GON4L: variants seen among roughly 807,000 people sequenced by gnomAD.
GON4L encodes gon-4 like.
GON4L carries 87 observed loss-of-function variants against 211.8 expected under a neutral mutation model. The ratio of observed to expected loss-of-function variants is 0.41; its 90% CI spans 0.35 to 0.49. The LOEUF (loss-of-function observed/expected upper bound fraction) is 0.49. Among genes scored for constraint, GON4L ranks in the 20% least tolerant of loss-of-function variants. The probability of loss-of-function intolerance (pLI) is 0.15; values close to 1 mark genes in which losing one functional copy is unlikely to be tolerated. For synonymous variants in GON4L, 875 were observed against 962.6 expected, an observed-to-expected ratio of 0.91 and a Z score of 1.68; for missense variants, 2,155 against 2,659.5, an observed-to-expected ratio of 0.81 and a Z score of 4.17.
intron 2 of GON4L, among the ~76,000 whole-genome samples, chr1:155,848,184 A>G (rs1271865791): frequency 2.0e-5 from 3 of 152,168 alleles, no homozygotes; most frequent in African/African-American, 7.2e-5. Context: ...CTTTTTCTCT[A>G]TTGGCTTGCA....
rs35495123 is a variant in GON4L, at chr1:155,778,241, A to AT, written c.1893-422dup. On this transcript the variant is annotated intron_variant, in intron 14 of 31. Transcript: ENST00000368331. ...ATCCACTCAGGCTGCACTGCCTTGCATTTTTTTTTCAAAATTTAAATATTT... is the reference window on the plus strand; with the variant it reads ...ATCCACTCAGGCTGCACTGCCTTGCATTTTTTTTTTCAAAATTTAAATATTT... 1.7e-4 allele frequency among the ~76,000 whole-genome samples: 25 copies of AT among 148,488 alleles called. No individual in the cohort carries two copies. The East Asian group carries it at 1.8e-3, about 11-fold the overall frequency.
At chr1:155,810,599 C>A (rs1436158009) in intron 10 of GON4L, among the ~76,000 whole-genome samples, 3 of 150,762 alleles carry the variant, frequency 2.0e-5, no homozygotes, top group Non-Finnish European at 4.4e-5. Context: ...CCCAGCTACT[C>A]GGGAGGCTGA....
rs763570569 is a variant in GON4L at position 155,765,118 on chromosome 1, C to T, written c.4355G>A (p.Gly1452Glu). ...CTCTTCTTCTGGCCCATTCTTCTCT[C>T]CTCCAGTTTCTGGCCCAACTGGAGT... ...VGTPVGPETG[G>E]EKNGPEEEEE... Residue 1452 changes from glycine to glutamate, a missense_variant, in exon 21 of 32, where the codon GGA becomes GAA. Physicochemically the swap from Gly to Glu is moderately conservative, Grantham distance 98. Coordinates refer to ENST00000368331, the MANE Select transcript of GON4L (RefSeq NM_001282860.2). 3.7e-6 allele frequency: 6 copies of T among 1,614,186 alleles called. No individual in the cohort carries two copies. The highest frequency in any genetic ancestry group is 1.7e-5 in the Admixed American group (1 of 60,022).
chr1:155,785,047 C>G (rs1162472871), intron 13 of GON4L: 1 of 452,976 alleles, frequency 2.2e-6, no homozygotes, highest in Admixed American at 3.0e-5. Flanking sequence ...CTGCTGTGAG[C>G]TGTAATTTCA....
intron 15 of GON4L, among the ~76,000 whole-genome samples, chr1:155,776,940 G>C (rs545422291): frequency 5.9e-5 from 9 of 152,072 alleles, no homozygotes; most frequent in Non-Finnish European, 1.3e-4. Flanking sequence ...ATAGGATCTT[G>C]GCATAAATCT....
intron 22 of GON4L, among the ~76,000 whole-genome samples, chr1:155,762,978 G>A (rs1448085901): frequency 6.6e-6 from 1 of 151,946 alleles, no homozygotes; most frequent in Non-Finnish European, 1.5e-5. Flanking sequence ...AGAGGTTGCA[G>A]TGAGCCAAGA....
chr1:155,848,433 T>C (rs1390516746), intron 2 of GON4L, among the ~76,000 whole-genome samples: 1 of 152,226 alleles, frequency 6.6e-6, no homozygotes, highest in Non-Finnish European at 1.5e-5. Flanking sequence ...ACTGCCAGCA[T>C]CCTATTCTAA....
At chr1:155,828,929 A>G (rs542381648) in intron 2 of GON4L, among the ~76,000 whole-genome samples, 1 of 152,246 alleles carries the variant, frequency 6.6e-6, no homozygotes, top group African/African-American at 2.4e-5. Flanking sequence ...ACCTGGGAAG[A>G]GGACTTGGGG....
chr1:155,823,716 G>GT (rs1231688691), intron 3 of GON4L, among the ~76,000 whole-genome samples: 1 of 152,054 alleles, frequency 6.6e-6, no homozygotes, highest in African/African-American at 2.4e-5. Context: ...CCAACATGGT[G>GT]AAACCTCGTC....
chr1:155,760,760 T>C, intron 23 of GON4L, 119 bp from the exon 24 acceptor site: 1 of 682,076 alleles, frequency 1.5e-6, no homozygotes, highest in Non-Finnish European at 2.6e-6. Flanking sequence ...CATCAGAGGC[T>C]GTGCCTCCAA....
At chr1:155,777,307 G>A (rs562291326) in intron 15 of GON4L, among the ~76,000 whole-genome samples, 3 of 152,210 alleles carry the variant, frequency 2.0e-5, no homozygotes, top group Admixed American at 6.5e-5. Context: ...ACAGCAGGGC[G>A]CAGTGGCTCA....
downstream of GON4L, chr1:155,748,593 C>T (rs1179151569): frequency 4.3e-6 from 7 of 1,613,210 alleles, no homozygotes; most frequent in Non-Finnish European, 3.4e-6. Flanking sequence ...GTGTTCTCTT[C>T]CTTCTCTTTA....
At position 155,753,497 on chromosome 1, in the gene GON4L, T is replaced by A. The variant is rs115807729; in HGVS notation, c.5632-83A>T. 8.8e-4 allele frequency: 887 copies of A among 1,005,704 alleles called. 5 individuals carry two copies. The African/African-American group carries it at 0.013, about 15-fold the overall frequency. 62.3% of individuals were successfully genotyped at this position (1,005,704 alleles called of 1,614,324 possible). On this transcript the variant is annotated intron_variant, in intron 28 of 31. Coordinates refer to ENST00000368331, the MANE Select transcript of GON4L (RefSeq NM_001282860.2). ...GCCCACCAAAGGAAGAAGCCCTGCC[T>A]GATGCTCATCAAGTCAACCCACATG...
intron 29 of GON4L, 125 bp downstream of exon 29, chr1:155,753,079 A>G: frequency 1.4e-6 from 1 of 705,668 alleles, no homozygotes; most frequent in Non-Finnish European, 2.5e-6. Flanking sequence ...CTATGGGTCC[A>G]TCAGTGAAAG....
At chr1:155,788,472 C>G (rs1049497608) in intron 12 of GON4L, among the ~76,000 whole-genome samples, 1 of 152,048 alleles carries the variant, frequency 6.6e-6, no homozygotes, top group African/African-American at 2.4e-5. Context: ...TGAAATACGG[C>G]TTTTCTAACT....
intron 14 of GON4L, among the ~76,000 whole-genome samples, chr1:155,778,328 T>A (rs1209853292): frequency 6.6e-6 from 1 of 152,178 alleles, no homozygotes; most frequent in East Asian, 1.9e-4. Context: ...CTCAGCTCAC[T>A]GCAACCTCCG....
chr1:155,854,943 G>GT (rs1672136596), intron 1 of GON4L, among the ~76,000 whole-genome samples: 1 of 151,420 alleles, frequency 6.6e-6, no homozygotes, highest in Non-Finnish European at 1.5e-5. Context: ...GCTGAGGCAG[G>GT]ACAATCACTT....
At position 155,776,414 on chromosome 1, in the gene GON4L, G is replaced by A. The variant is rs781513382; in HGVS notation, c.2159C>T (p.Thr720Ile). 6.2e-7 allele frequency: 1 copy of A among 1,609,754 alleles called. No individual in the cohort carries two copies. The change falls in exon 16 of 32, where the codon ACT becomes ATT. Residue 720 changes from threonine (T) to isoleucine (I), a missense_variant. Thr to Ile is a moderately conservative substitution (Grantham distance 89). Transcript: ENST00000368331. ...ACTTACAAGAAATATCCTGGTGGTA[G>A]TGGCCTCCGGATTGAGGTTGGGGTT... Reference protein sequence around the residue: ...TCNPNLNPEATTTRIFLKELG... With the variant: ...TCNPNLNPEAITTRIFLKELG...
At chr1:155,859,395 G>A (rs1672504605), upstream of GON4L, 1 of 189,118 alleles carries the variant, frequency 5.3e-6, no homozygotes, top group Non-Finnish European at 1.1e-5. Context: ...GTCCCCTCCG[G>A]GAGAGCTTCC....
Sources: allele counts gnomAD v4.1 joint callset (sites outside exome capture counted in the v4.1 genomes callset), GRCh38; gene constraint gnomAD v4.1.1; transcripts MANE v1.5; gene names NCBI Gene and HGNC (gene_info 2026-07-23, HGNC 2026-07-21).